The following LRRC4C variants were observed in gnomAD, a reference collection of about 807,000 sequenced individuals.
LRRC4C encodes leucine rich repeat containing 4C.
In LRRC4C, 5 loss-of-function variants were observed where a neutral mutation model predicts 33.6. That is an observed-to-expected ratio of 0.15 (90% CI 0.08 to 0.31). The LOEUF is 0.31. Ranked by LOEUF, LRRC4C falls within the 10% of genes least tolerant of loss-of-function variation. The pLI is 1.00. For synonymous variants in LRRC4C, 329 were observed against 302.0 expected (o/e 1.09, Z -0.93); for missense variants, 560 against 796.7 (o/e 0.70, Z 3.58).
At chr11:41,400,408 TC>T (rs1953981208) in intron 1 of LRRC4C, among the ~76,000 whole-genome samples, 1 of 151,834 alleles carries the variant, frequency 6.6e-6, no homozygotes, top group African/African-American at 2.4e-5. Flanking sequence ...CGATTTCCAC[TC>T]CCCTTGTTAG....
At chr11:41,059,953 A>C (rs1858942877) in intron 1 of LRRC4C, among the ~76,000 whole-genome samples, 1 of 150,220 alleles carries the variant, frequency 6.7e-6, no homozygotes, top group South Asian at 2.1e-4. Context: ...TGAACCCGGG[A>C]GGCAGAGGTT....
intron 2 of LRRC4C, among the ~76,000 whole-genome samples, chr11:40,686,325 G>C (rs147848728): frequency 5.9e-5 from 9 of 152,074 alleles, no homozygotes; most frequent in African/African-American, 2.2e-4. Flanking sequence ...CTGGCACACA[G>C]AGGAAGCTCA....
chr11:40,425,554 A>G (rs958315331), intron 3 of LRRC4C, among the ~76,000 whole-genome samples: 7 of 152,198 alleles, frequency 4.6e-5, no homozygotes, highest in Non-Finnish European at 8.8e-5. Flanking sequence ...CTTGCTACAC[A>G]TTGCCAGTTC....
intron 1 of LRRC4C, among the ~76,000 whole-genome samples, chr11:41,228,279 A>C (rs1947632173): frequency 6.6e-6 from 1 of 151,534 alleles, no homozygotes; most frequent in African/African-American, 2.4e-5. Context: ...TCAATGATAG[A>C]GAGAGAGAGA....
chr11:40,296,507 A>G (rs1294864989), intron 4 of LRRC4C, among the ~76,000 whole-genome samples: 3 of 152,182 alleles, frequency 2.0e-5, no homozygotes, highest in Non-Finnish European at 2.9e-5. Context: ...TTTTGCGATA[A>G]CATTAAGGTT....
intron 2 of LRRC4C, among the ~76,000 whole-genome samples, chr11:40,745,422 T>C (rs993467780): frequency 3.3e-5 from 5 of 152,214 alleles, no homozygotes; most frequent in African/African-American, 9.6e-5. Flanking sequence ...ATGATTATAC[T>C]ATGAGAACGT....
intron 1 of LRRC4C, among the ~76,000 whole-genome samples, chr11:41,075,027 T>TTTTTA (rs1939023667): frequency 1.9e-5 from 2 of 102,976 alleles, no homozygotes; most frequent in African/African-American, 4.4e-5. Flanking sequence ...TTTTTTTTTT[T>TTTTTA]TTTTTTTTTA....
In LRRC4C at chr11:41,341,453, T is replaced by C. The variant is rs142347549; in HGVS notation, c.-496+117978A>G. Among the ~76,000 whole-genome samples, 734 of 152,292 alleles carry C rather than the reference T, an allele frequency of 4.8e-3. 6 individuals are homozygous for C. The highest frequency in any genetic ancestry group is 0.018 in the South Asian group (88 of 4,818). On this transcript the variant is annotated intron_variant, in intron 1 of 6. Transcript: ENST00000528697. ...CAATTGTAGTAATTTAATGACTGTT[T>C]TCTACATTTTTTTCCAGAATAATGT...
chr11:40,288,811 A>G (rs533411141), intron 4 of LRRC4C, among the ~76,000 whole-genome samples: 2 of 152,312 alleles, frequency 1.3e-5, no homozygotes, highest in South Asian at 4.1e-4. Context: ...GGAATTTTAT[A>G]CCATATAATT....
intron 3 of LRRC4C, among the ~76,000 whole-genome samples, chr11:40,447,676 A>G (rs1191525026): frequency 6.6e-6 from 1 of 152,222 alleles, no homozygotes; most frequent in Non-Finnish European, 1.5e-5. Context: ...CCATCTAAGC[A>G]AACTCTCCGT....
intron 1 of LRRC4C, among the ~76,000 whole-genome samples, chr11:41,304,220 T>A (rs1428254599): frequency 1.3e-5 from 1 of 75,812 alleles, no homozygotes. Flanking sequence ...GGGAGGGAGG[T>A]GGGGGGGTCA....
At chr11:41,070,236 G>T (rs1179107413) in intron 1 of LRRC4C, among the ~76,000 whole-genome samples, 2 of 151,882 alleles carry the variant, frequency 1.3e-5, no homozygotes, top group African/African-American at 2.4e-5. Context: ...TGAAACTGGA[G>T]CCCTTTTTTA....
chr11:41,223,426 T>C (rs1378492877), intron 1 of LRRC4C, among the ~76,000 whole-genome samples: 1 of 152,190 alleles, frequency 6.6e-6, no homozygotes, highest in East Asian at 1.9e-4. Flanking sequence ...TCTTAGTGGC[T>C]ATAGTTTTCT....
chr11:41,251,152 C>T (rs1163159584), intron 1 of LRRC4C, among the ~76,000 whole-genome samples: 1 of 152,180 alleles, frequency 6.6e-6, no homozygotes, highest in Non-Finnish European at 1.5e-5. Flanking sequence ...TTTGCTTACT[C>T]TTTGAACACA....
chr11:40,556,904 C>T (rs1957354703), intron 3 of LRRC4C, among the ~76,000 whole-genome samples: 3 of 152,064 alleles, frequency 2.0e-5, no homozygotes, highest in Admixed American at 6.5e-5. Context: ...TCAAATAGAT[C>T]AGAGTTTGAA....
chr11:40,478,803 A>T, intron 3 of LRRC4C, among the ~76,000 whole-genome samples: 1 of 152,124 alleles, frequency 6.6e-6, no homozygotes, highest in Admixed American at 6.6e-5. Context: ...CTTCCTCCTC[A>T]CTGTAATAAA....
intron 4 of LRRC4C, among the ~76,000 whole-genome samples, chr11:40,301,291 T>G (rs541677892): frequency 6.6e-6 from 1 of 152,352 alleles, no homozygotes; most frequent in Admixed American, 6.5e-5. Context: ...CCAATCACTT[T>G]AAAAACACAA....
intron 1 of LRRC4C, among the ~76,000 whole-genome samples, chr11:41,189,116 A>T (rs1054604984): frequency 2.0e-5 from 3 of 152,176 alleles, no homozygotes; most frequent in African/African-American, 7.2e-5. Context: ...CTTTATGTAC[A>T]AAACACAGCT....
In LRRC4C at chr11:41,456,219, A is replaced by G. The variant is rs563700594; in HGVS notation, c.-496+3212T>C. Among the ~76,000 whole-genome samples the G allele has an allele frequency of 2.5e-3, 383 of 152,264 alleles. 2 individuals are homozygous for G. The highest frequency in any genetic ancestry group is 8.7e-3 in the African/African-American group (363 of 41,562). On this transcript the variant is annotated intron_variant, in intron 1 of 6. Transcript: ENST00000528697. The stretch of plus-strand genomic sequence containing the variant: ...TCTTATTAGCCACAGTTTCAGCATC[A>G]GCTCAGCTCTTTGAGCTAACATACA...
Sources: allele counts gnomAD v4.1 joint callset (sites outside exome capture counted in the v4.1 genomes callset), GRCh38; gene constraint gnomAD v4.1.1; transcripts MANE v1.5; gene names NCBI Gene and HGNC (gene_info 2026-07-23, HGNC 2026-07-21).